PTPRD: variants seen among roughly 807,000 people sequenced by gnomAD.
PTPRD encodes protein tyrosine phosphatase receptor type D, also known as receptor-type tyrosine-protein phosphatase delta.
Under a neutral mutation model 214.5 loss-of-function variants are expected in PTPRD, and 34 were observed. The ratio of observed to expected loss-of-function variants is 0.16; its 90% CI spans 0.12 to 0.21. The LOEUF (loss-of-function observed/expected upper bound fraction) is 0.21, where lower values mean the gene tolerates loss of function less well. Among genes scored for constraint, PTPRD ranks in the 10% least tolerant of loss-of-function variants. The pLI, the probability that PTPRD is intolerant of heterozygous loss-of-function variation, is 1.00. For missense variants in PTPRD, 2,545 were observed against 2,398.7 expected, an observed-to-expected ratio of 1.06 and a Z score of -1.27; for synonymous variants, 1,128 against 845.7, an observed-to-expected ratio of 1.33 and a Z score of -5.79.
chr9:9,670,983 C>T (rs949469586), intron 7 of PTPRD, among the ~76,000 whole-genome samples: 9 of 152,052 alleles, frequency 5.9e-5, no homozygotes, highest in African/African-American at 2.2e-4. Context: ...AGTCTCTATT[C>T]CCTAGTGGAG....
chr9:10,382,507 T>C (rs954542298), intron 2 of PTPRD, among the ~76,000 whole-genome samples: 1 of 151,938 alleles, frequency 6.6e-6, no homozygotes, highest in Non-Finnish European at 1.5e-5. Flanking sequence ...ACAATCTGAA[T>C]TGAGTATTCC....
intron 3 of PTPRD, among the ~76,000 whole-genome samples, chr9:10,051,072 C>G (rs1361269845): frequency 6.6e-6 from 1 of 151,694 alleles, no homozygotes; most frequent in Non-Finnish European, 1.5e-5. Context: ...GATTTGACAC[C>G]CACATAAAAA....
intron 5 of PTPRD, among the ~76,000 whole-genome samples, chr9:9,932,416 A>G (rs1463410531): frequency 1.4e-5 from 2 of 147,698 alleles, no homozygotes; most frequent in Non-Finnish European, 3.0e-5. Context: ...AGGCTCCAGA[A>G]CTACGTGAAG....
At chr9:8,990,215 A>T (rs1427292736) in intron 11 of PTPRD, among the ~76,000 whole-genome samples, 4 of 152,176 alleles carry the variant, frequency 2.6e-5, no homozygotes, top group Non-Finnish European at 4.4e-5. Context: ...GGACTTAAAG[A>T]TCTACTGAAA....
intron 4 of PTPRD, among the ~76,000 whole-genome samples, chr9:9,997,730 GC>G (rs1042361010): frequency 8.0e-4 from 121 of 152,130 alleles, no homozygotes; most frequent in African/African-American, 2.9e-3. Context: ...AGCTTGAAAA[GC>G]CAGGCTGGCA....
chr9:9,369,027 T>C (rs2058675080), intron 9 of PTPRD, among the ~76,000 whole-genome samples: 1 of 152,036 alleles, frequency 6.6e-6, no homozygotes, highest in Admixed American at 6.6e-5. Flanking sequence ...TTTCTTGTCC[T>C]TGCGATAGTT....
chr9:8,821,310 G>A (rs1413384209), intron 11 of PTPRD, among the ~76,000 whole-genome samples: 1 of 151,884 alleles, frequency 6.6e-6, no homozygotes, highest in Non-Finnish European at 1.5e-5. Flanking sequence ...TCTCTCACAT[G>A]GTAAGCTCAT....
Position 9,913,989 on chromosome 9 carries a change from A to T in PTPRD, c.-368+24518T>A, listed in dbSNP as rs1420080839. 3.3e-5 allele frequency among the ~76,000 whole-genome samples: 5 copies of T among 152,150 alleles called. No homozygotes were observed. In the East Asian group the frequency reaches 7.7e-4, roughly 24 times the overall value. ...GTGACTGAATGCTACAACCCCAGCT[A>T]TGTGGACTCTGGGCCTAGGATCAGC... On this transcript the variant is annotated intron_variant, in intron 5 of 45. Coordinates refer to ENST00000381196, the MANE Select transcript of PTPRD (RefSeq NM_002839.4).
intron 39 of PTPRD, among the ~76,000 whole-genome samples, chr9:8,364,495 C>A (rs2079290503): frequency 6.6e-6 from 1 of 152,192 alleles, no homozygotes; most frequent in African/African-American, 2.4e-5. Flanking sequence ...ATGGGCCTCC[C>A]AAGCATATCG....
intron 9 of PTPRD, among the ~76,000 whole-genome samples, chr9:9,390,122 C>A (rs934711318): frequency 1.3e-5 from 2 of 152,190 alleles, no homozygotes. Flanking sequence ...GAGCAGAGGC[C>A]AAAGTCCTCC....
At chr9:9,362,827 T>G (rs1024327073) in intron 9 of PTPRD, among the ~76,000 whole-genome samples, 9 of 151,258 alleles carry the variant, frequency 6.0e-5, no homozygotes, top group Non-Finnish European at 5.9e-5. Context: ...ATAGCATAAA[T>G]CAGCTATACA....
In PTPRD at chr9:9,035,030, C is replaced by T. The variant is rs370879827; in HGVS notation, c.-142-16295G>A. Among the ~76,000 whole-genome samples the T allele has an allele frequency of 1.5e-4, 23 of 152,134 alleles. No individual in the cohort carries two copies. The East Asian group carries it at 3.9e-3, about 26-fold the overall frequency. ...TAAGAGAACTAAGGTGATATTGTGG[C>T]TCATAGAGTCTGGATTCCTAGATGG... On this transcript the variant is annotated intron_variant, in intron 10 of 45. Coordinates refer to ENST00000381196, the MANE Select transcript of PTPRD (RefSeq NM_002839.4).
At chr9:10,205,421 C>T (rs1347515062) in intron 3 of PTPRD, among the ~76,000 whole-genome samples, 1 of 148,800 alleles carries the variant, frequency 6.7e-6, no homozygotes, top group African/African-American at 2.5e-5. Context: ...ACTCTATTTT[C>T]CTGAGACAGA....
intron 35 of PTPRD, among the ~76,000 whole-genome samples, chr9:8,426,091 T>C (rs946606752): frequency 6.6e-6 from 1 of 152,298 alleles, no homozygotes; most frequent in African/African-American, 2.4e-5. Flanking sequence ...AAAGTCATGT[T>C]AAGTGACTGA....
At chr9:8,401,509 A>T (rs551997047) in intron 36 of PTPRD, among the ~76,000 whole-genome samples, 1 of 152,238 alleles carries the variant, frequency 6.6e-6, no homozygotes, top group African/African-American at 2.4e-5. Flanking sequence ...AACAATTGAA[A>T]CCATTTTGTA....
intron 2 of PTPRD, among the ~76,000 whole-genome samples, chr9:10,359,580 T>C (rs2097338935): frequency 6.6e-6 from 1 of 152,134 alleles, no homozygotes; most frequent in African/African-American, 2.4e-5. Flanking sequence ...TCTTTATTTC[T>C]GAAAGCAAGG....
chr9:9,153,336 C>T (rs954782481), intron 10 of PTPRD, among the ~76,000 whole-genome samples: 2 of 152,156 alleles, frequency 1.3e-5, no homozygotes, highest in Non-Finnish European at 2.9e-5. Flanking sequence ...AATCAGCTTA[C>T]ATTCTTGGCG....
chr9:10,121,811 A>AT (rs765899634), intron 3 of PTPRD, among the ~76,000 whole-genome samples: 5 of 152,076 alleles, frequency 3.3e-5, no homozygotes, highest in East Asian at 3.9e-4. Flanking sequence ...GAATTCCAAG[A>AT]TTTTTTTCCC....
intron 12 of PTPRD, among the ~76,000 whole-genome samples, chr9:8,678,931 A>G (rs939037304): frequency 6.6e-6 from 1 of 152,230 alleles, no homozygotes; most frequent in Non-Finnish European, 1.5e-5. Flanking sequence ...AAAATGTTTC[A>G]TGCAAATATG....
Sources: gnomAD v4.1 joint callset for allele counts (sites outside exome capture counted in the v4.1 genomes callset) on GRCh38, gnomAD v4.1.1 for gene constraint, MANE v1.5 for transcripts, NCBI Gene and HGNC (gene_info 2026-07-23, HGNC 2026-07-21) for gene names.